LBHD1: variants seen among roughly 807,000 people sequenced by gnomAD.
LBHD1 encodes the protein LBH domain-containing protein 1.
LBHD1 carries 28 observed loss-of-function variants against 31.1 expected under a neutral mutation model. The ratio of observed to expected loss-of-function variants is 0.90; its 90% CI spans 0.67 to 1.24. LBHD1 has a LOEUF of 1.24. Ranked by LOEUF, LBHD1 falls within the 50% of genes most tolerant of loss-of-function variation. LBHD1 has a pLI of 0.00. For missense variants in LBHD1, 350 were observed against 323.0 expected, an observed-to-expected ratio of 1.08 and a Z score of -0.64; for synonymous variants, 105 against 116.5, an observed-to-expected ratio of 0.90 and a Z score of 0.63.
intron 4 of LBHD1, 99 bp downstream of exon 4, chr11:62,667,424 C>T: frequency 7.8e-7 from 1 of 1,276,312 alleles, no homozygotes; most frequent in Non-Finnish European, 1.1e-6. Context: ...ACCTGTAAGC[C>T]TCATTTTTGT....
In LBHD1 at chr11:62,672,228, T is replaced by C. The variant is rs1034797992; in HGVS notation, c.-675A>G. On this transcript the variant is annotated 5_prime_UTR_variant, in exon 1 of 7. Coordinates refer to ENST00000354588, the MANE Select transcript of LBHD1 (RefSeq NM_024099.5). ...CCGGACCGAGATACCATGCCAGGAC[T>C]CTCCGGGGTCCTGTGAGCTGCCGTC... The C allele has an allele frequency of 8.1e-6, 9 of 1,111,108 alleles. No homozygotes were observed. Among genetic ancestry groups the C allele is most frequent in the Non-Finnish European group, 1.0e-5 (8 of 787,230 alleles). 68.8% of individuals were successfully genotyped at this position (1,111,108 alleles called of 1,614,324 possible). A position where few individuals can be genotyped will look rare whatever the true frequency, so the allele number is the denominator to read the frequency against.
At chr11:62,665,214 G>C in intron 4 of LBHD1, 1 of 788,676 alleles carries the variant, frequency 1.3e-6, no homozygotes, top group Non-Finnish European at 2.2e-6. Context: ...TCCGCTCAGC[G>C]CCGGATCCGC....
chr11:62,667,031 T>C (rs1448696840), intron 4 of LBHD1: 3 of 1,605,832 alleles, frequency 1.9e-6, no homozygotes, highest in Non-Finnish European at 2.6e-6. Context: ...CTTTGCTTAC[T>C]TGATTCAAGG....
In LBHD1 at chr11:62,672,233, G is replaced by A. The variant is rs1944958403; in HGVS notation, c.-680C>T. 1 of 1,072,256 alleles carries A rather than the reference G, an allele frequency of 9.3e-7. No homozygotes were observed. Among genetic ancestry groups the A allele is most frequent in the Non-Finnish European group, 1.3e-6 (1 of 752,870 alleles). The allele number at this position is 1,072,256 out of a possible 1,614,324, so 66.4% of individuals were successfully genotyped here. On this transcript the variant is annotated 5_prime_UTR_variant, in exon 1 of 7. Transcript: ENST00000354588. The stretch of plus-strand genomic sequence containing the variant: ...CCGAGATACCATGCCAGGACTCTCC[G>A]GGGTCCTGTGAGCTGCCGTCGGGTG...
At position 62,669,772 on chromosome 11, in the gene LBHD1, A is replaced by G. The variant is rs1423832212; in HGVS notation, c.182T>C (p.Ile61Thr). 2.5e-6 allele frequency: 4 copies of G among 1,614,220 alleles called. 1 individual carries two copies. The highest frequency in any genetic ancestry group is 1.6e-4 in the Middle Eastern group (1 of 6,062). The change falls in exon 3 of 7, where the codon ATT becomes ACT. Residue 61 changes from isoleucine to threonine, a missense_variant. Physicochemically the swap from Ile to Thr is moderately conservative, Grantham distance 89. Coordinates refer to ENST00000354588, the MANE Select transcript of LBHD1 (RefSeq NM_024099.5). ...ATTCACCTCACTGGATTCCACCACA[A>G]TAGACGGCAGATGGGACTTTTGAGA... ...DFSQKSHLPS[I>T]VVESSEVNEE...
intron 4 of LBHD1, chr11:62,665,999 G>A (rs1944798684): frequency 6.4e-7 from 1 of 1,563,296 alleles, no homozygotes; most frequent in Admixed American, 1.7e-5. Flanking sequence ...GAGTGGGGAG[G>A]GTAAGGTGGG....
Position 62,671,610 on chromosome 11 carries a change from C to T in LBHD1, c.-57G>A, listed in dbSNP as rs1158669339. The T allele has an allele frequency of 6.7e-7, 1 of 1,497,582 alleles. No individual in the cohort carries two copies. The highest frequency in any genetic ancestry group is 8.8e-7 in the Non-Finnish European group (1 of 1,131,808). The allele number at this position is 1,497,582 out of a possible 1,614,324, so 92.8% of individuals were successfully genotyped here. A position where few individuals can be genotyped will look rare whatever the true frequency, so the allele number is the denominator to read the frequency against. ...TTCCAAACGTTTCCTCGAGCAGGTC[C>T]TCTCTAGCCGGCCGCTTATCTATGG... is the stretch of plus-strand genomic sequence containing the variant. On this transcript the variant is annotated 5_prime_UTR_variant, in exon 1 of 7. Transcript: ENST00000354588.
intron 4 of LBHD1, chr11:62,666,565 G>A (rs369948826): frequency 5.2e-5 from 84 of 1,614,062 alleles, no homozygotes; most frequent in Non-Finnish European, 6.7e-5. Context: ...CTCTGCGAGT[G>A]CTGGATGTGG....
chr11:62,670,438 TTTAA>T (rs1944918265), intron 1 of LBHD1: 3 of 177,436 alleles, frequency 1.7e-5, no homozygotes, highest in Non-Finnish European at 2.4e-5. Context: ...ATATAACTAA[TTTAA>T]TTATCCTAAA....
Position 62,671,602 on chromosome 11 carries a change from A to G in LBHD1, c.-49T>C, listed in dbSNP as rs1467332728. 5 of 1,489,678 alleles carry G rather than the reference A, an allele frequency of 3.4e-6. No individual in the cohort carries two copies. The highest frequency in any genetic ancestry group is 2.3e-5 in the East Asian group (1 of 43,296). 92.3% of individuals were successfully genotyped at this position (1,489,678 alleles called of 1,614,324 possible). ...GCTCCGGATTCCAAACGTTTCCTCG[A>G]GCAGGTCCTCTCTAGCCGGCCGCTT... is the stretch of plus-strand genomic sequence containing the variant. On this transcript the variant is annotated 5_prime_UTR_variant, in exon 1 of 7. Transcript: ENST00000354588.
chr11:62,665,681 G>A, intron 4 of LBHD1: 1 of 1,459,272 alleles, frequency 6.9e-7, no homozygotes, highest in Non-Finnish European at 9.0e-7. Context: ...TCCACTTCCC[G>A]CTGCAGCCAA....
intron 4 of LBHD1, chr11:62,665,674 A>G: frequency 6.8e-7 from 1 of 1,461,646 alleles, no homozygotes; most frequent in Non-Finnish European, 9.0e-7. Flanking sequence ...ACCCTCCTCC[A>G]CTTCCCGCTG....
intron 5 of LBHD1, among the ~76,000 whole-genome samples, chr11:62,663,965 C>T (rs527236692): frequency 6.7e-6 from 1 of 149,520 alleles, no homozygotes; most frequent in Non-Finnish European, 1.5e-5. Flanking sequence ...CCCAGCTACT[C>T]GGGAGGCTGA....
At chr11:62,667,776 A>G (rs534222897) in intron 3 of LBHD1, 29 bp from the exon 4 acceptor site, 1 of 1,401,392 alleles carries the variant, frequency 7.1e-7, no homozygotes, top group East Asian at 2.3e-5. Context: ...GGGGACAAAA[A>G]TATTACTGAT....
Position 62,665,667 on chromosome 11 carries a change from C to T in LBHD1, c.539-694G>A, listed in dbSNP as rs1944787088. On this transcript the variant is annotated intron_variant, in intron 4 of 6. Transcript: ENST00000354588. Reference sequence around the variant, plus strand: ...TTCAGGTCTGCGGACGCTGTATACCCTCCTCCACTTCCCGCTGCAGCCAAT... The same window carrying T: ...TTCAGGTCTGCGGACGCTGTATACCTTCCTCCACTTCCCGCTGCAGCCAAT... 6 of 1,469,948 alleles carry T rather than the reference C, an allele frequency of 4.1e-6. No individual in the cohort carries two copies. The East Asian group carries it at 9.8e-5, about 24-fold the overall frequency. The allele number at this position is 1,469,948 out of a possible 1,614,324, so 91.1% of individuals were successfully genotyped here.
At chr11:62,668,722 G>A (rs1230766030) in intron 3 of LBHD1, among the ~76,000 whole-genome samples, 2 of 150,574 alleles carry the variant, frequency 1.3e-5, no homozygotes, top group African/African-American at 4.9e-5. Flanking sequence ...AGAATGGCAC[G>A]AACCCAGGAG....
intron 1 of LBHD1, chr11:62,670,323 A>C: frequency 2.5e-6 from 1 of 402,206 alleles, no homozygotes; most frequent in Non-Finnish European, 4.4e-6. Flanking sequence ...GAATTTCCTG[A>C]CTCCTATGCT....
chr11:62,668,120 C>CA, intron 3 of LBHD1: 1 of 185,630 alleles, frequency 5.4e-6, no homozygotes, highest in South Asian at 1.1e-4. Context: ...CTCGCAGCCT[C>CA]AATTTTCTCA....
Position 62,662,855 on chromosome 11 carries a change from C to T in LBHD1, c.*274G>A. 1.7e-6 allele frequency: 1 copy of T among 589,030 alleles called. No individual in the cohort carries two copies. The highest frequency in any genetic ancestry group is 3.0e-6 in the Non-Finnish European group (1 of 333,132). The allele number at this position is 589,030 out of a possible 1,614,324, so 36.5% of individuals were successfully genotyped here. Reference sequence around the variant, plus strand: ...GCTTTATTACAAATGGAGTTGACTGCTAGAGAGGCCCTTCTCCAATCTTTC... The same window carrying T: ...GCTTTATTACAAATGGAGTTGACTGTTAGAGAGGCCCTTCTCCAATCTTTC... On this transcript the variant is annotated 3_prime_UTR_variant, in exon 7 of 7. Coordinates refer to ENST00000354588, the MANE Select transcript of LBHD1 (RefSeq NM_024099.5).
Sources: gnomAD v4.1 joint callset for allele counts (sites outside exome capture counted in the v4.1 genomes callset) on GRCh38, gnomAD v4.1.1 for gene constraint, MANE v1.5 for transcripts, NCBI Gene and HGNC (gene_info 2026-07-23, HGNC 2026-07-21) for gene names.